PAFAH1B1: variants seen among roughly 807,000 people sequenced by gnomAD.
PAFAH1B1 encodes platelet activating factor acetylhydrolase 1b regulatory subunit 1.
PAFAH1B1 carries 2 observed loss-of-function variants against 57.5 expected under a neutral mutation model. The ratio of observed to expected loss-of-function variants is 0.03; its 90% CI spans 0.01 to 0.11. PAFAH1B1 has a LOEUF of 0.11. PAFAH1B1 is among the 10% of genes least tolerant of loss of function. The probability of loss-of-function intolerance (pLI) is 1.00; values close to 1 mark genes in which losing one functional copy is unlikely to be tolerated. For synonymous variants in PAFAH1B1, 152 were observed against 169.6 expected, an observed-to-expected ratio of 0.90 and a Z score of 0.81; for missense variants, 257 against 512.0, an observed-to-expected ratio of 0.50 and a Z score of 4.81.
Position 2,638,233 on chromosome 17 carries a change from A to G in PAFAH1B1, c.-56A>G, listed in dbSNP as rs373433685. ...AGTCCACGGATCAAAAAGCTTTTTG[A>G]TTTCCCAAAGGAGGGACATACCACT... On this transcript the variant is annotated 5_prime_UTR_variant, in exon 2 of 11. Coordinates refer to ENST00000397195, the MANE Select transcript of PAFAH1B1 (RefSeq NM_000430.4). 2.1e-5 allele frequency: 31 copies of G among 1,504,010 alleles called. No individual in the cohort carries two copies. The Admixed American group carries it at 4.6e-4, about 22-fold the overall frequency. 93.2% of individuals were successfully genotyped at this position (1,504,010 alleles called of 1,614,324 possible). A position where few individuals can be genotyped will look rare whatever the true frequency, so the allele number is the denominator to read the frequency against.
At position 2,651,684 on chromosome 17, in the gene PAFAH1B1, A is replaced by C. The variant is rs1403127318; in HGVS notation, c.32+13364A>C. Among the ~76,000 whole-genome samples, 10 of 151,972 alleles carry C rather than the reference A, an allele frequency of 6.6e-5. 1 individual carries two copies. The highest frequency in any genetic ancestry group is 6.6e-4 in the Admixed American group (10 of 15,244). On this transcript the variant is annotated intron_variant, in intron 2 of 10. Coordinates refer to ENST00000397195, the MANE Select transcript of PAFAH1B1 (RefSeq NM_000430.4). Reference sequence around the variant, plus strand: ...CTTGCTTCTCTTAAATTATTTTCCCAAAAAGCCTTAAGTGTTTTCCGTAGT... The same window carrying C: ...CTTGCTTCTCTTAAATTATTTTCCCCAAAAGCCTTAAGTGTTTTCCGTAGT...
chr17:2,601,431 C>G (rs2068142709), intron 1 of PAFAH1B1, among the ~76,000 whole-genome samples: 1 of 150,644 alleles, frequency 6.6e-6, no homozygotes, highest in Admixed American at 6.6e-5. Flanking sequence ...CCGTGCCCAG[C>G]CACACCTGGC....
At chr17:2,624,027 A>T (rs187613554) in intron 1 of PAFAH1B1, among the ~76,000 whole-genome samples, 1 of 152,270 alleles carries the variant, frequency 6.6e-6, no homozygotes, top group East Asian at 1.9e-4. Flanking sequence ...CTTTTGCCAG[A>T]TACCCTAAAT....
At chr17:2,662,853 G>A (rs1249928742) in intron 2 of PAFAH1B1, among the ~76,000 whole-genome samples, 2 of 152,128 alleles carry the variant, frequency 1.3e-5, no homozygotes, top group South Asian at 2.1e-4. Context: ...GCTAACGCCT[G>A]TAATCCCAAC....
chr17:2,597,114 G>C (rs766876032), intron 1 of PAFAH1B1, among the ~76,000 whole-genome samples: 1 of 152,156 alleles, frequency 6.6e-6, no homozygotes, highest in Non-Finnish European at 1.5e-5. Context: ...GTAGATTGTT[G>C]TTAATCAGGA....
intron 1 of PAFAH1B1, among the ~76,000 whole-genome samples, chr17:2,617,639 C>T (rs556462162): frequency 2.0e-5 from 3 of 152,298 alleles, no homozygotes; most frequent in Admixed American, 6.5e-5. Context: ...TGTTTGAGGC[C>T]AGGCATGGTG....
chr17:2,631,960 T>C (rs1219261904), intron 1 of PAFAH1B1, among the ~76,000 whole-genome samples: 1 of 152,234 alleles, frequency 6.6e-6, no homozygotes, highest in African/African-American at 2.4e-5. Context: ...AATGAACCAT[T>C]ATGTACCCAT....
At chr17:2,623,261 CTTTTTT>C (rs376810275) in intron 1 of PAFAH1B1, among the ~76,000 whole-genome samples, 3 of 103,986 alleles carry the variant, frequency 2.9e-5, no homozygotes, top group Non-Finnish European at 3.7e-5. Flanking sequence ...TTTTTCCTTT[CTTTTTT>C]TTTTTTTTTT....
intron 2 of PAFAH1B1, among the ~76,000 whole-genome samples, chr17:2,662,485 C>A (rs2069031377): frequency 6.7e-6 from 1 of 149,214 alleles, no homozygotes; most frequent in Non-Finnish European, 1.5e-5. Context: ...CTCACCGAAA[C>A]CTTTGCCTCC....
chr17:2,621,739 A>T lies in PAFAH1B1; in HGVS notation c.-190-16360A>T, dbSNP rs367792014. Among the ~76,000 whole-genome samples, 6 of 146,158 alleles carry T rather than the reference A, an allele frequency of 4.1e-5. No homozygotes were observed. The East Asian group carries it at 1.0e-3, about 25-fold the overall frequency. On this transcript the variant is annotated intron_variant, in intron 1 of 10. Transcript: ENST00000397195. ...ATCCCAGGTGTTGCCCTCCCACCTC[A>T]GCCTTCTGAGTAGCTGAGACTACAG...
chr17:2,685,135 T>A lies in PAFAH1B1; in HGVS notation c.*3333T>A, dbSNP rs1014697447. On this transcript the variant is annotated 3_prime_UTR_variant, in exon 11 of 11. Coordinates refer to ENST00000397195, the MANE Select transcript of PAFAH1B1 (RefSeq NM_000430.4). ...GGTAGAGAAGCGACATGTAAAAAAC[T>A]GGTGGAAAAAGGTTTTGGATTTTTT... is the stretch of plus-strand genomic sequence containing the variant. The A allele has an allele frequency of 7.4e-6, 1 of 134,650 alleles. No individual in the cohort carries two copies. Among genetic ancestry groups the A allele is most frequent in the Admixed American group, 8.2e-5 (1 of 12,160 alleles). 8.3% of individuals were successfully genotyped at this position (134,650 alleles called of 1,614,324 possible).
intron 2 of PAFAH1B1, chr17:2,639,342 T>G (rs1172815683): frequency 6.6e-6 from 1 of 152,204 alleles, no homozygotes; most frequent in Non-Finnish European, 1.5e-5. Flanking sequence ...TTCCTTTGCC[T>G]TGTTGTGTTT....
At chr17:2,653,195 T>C (rs2068888848) in intron 2 of PAFAH1B1, among the ~76,000 whole-genome samples, 1 of 152,070 alleles carries the variant, frequency 6.6e-6, no homozygotes, top group Non-Finnish European at 1.5e-5. Flanking sequence ...CCACATGTTC[T>C]CACTCATAGG....
chr17:2,632,452 TTCTA>T (rs1424270048), intron 1 of PAFAH1B1, among the ~76,000 whole-genome samples: 1 of 152,212 alleles, frequency 6.6e-6, no homozygotes, highest in African/African-American at 2.4e-5. Context: ...AGGTTTCCCT[TTCTA>T]TCTCTTTTTT....
At chr17:2,624,376 T>C (rs2151625266) in intron 1 of PAFAH1B1, among the ~76,000 whole-genome samples, 2 of 152,262 alleles carry the variant, frequency 1.3e-5, no homozygotes, top group East Asian at 3.9e-4. Context: ...CTGTTACCAG[T>C]TTACTGTATT....
intron 1 of PAFAH1B1, among the ~76,000 whole-genome samples, chr17:2,608,524 T>A (rs545986053): frequency 6.6e-6 from 1 of 152,322 alleles, no homozygotes; most frequent in South Asian, 2.1e-4. Flanking sequence ...TTACTTGGGC[T>A]GGGTGTGGTG....
chr17:2,658,663 C>G (rs548617175), intron 2 of PAFAH1B1, among the ~76,000 whole-genome samples: 1 of 152,200 alleles, frequency 6.6e-6, no homozygotes, highest in South Asian at 2.1e-4. Context: ...GTCCACTCAC[C>G]CTGCATTGCC....
chr17:2,655,571 A>G (rs576383731), intron 2 of PAFAH1B1, among the ~76,000 whole-genome samples: 329 of 152,280 alleles, frequency 2.2e-3, no homozygotes, highest in Non-Finnish European at 3.1e-3. Context: ...GCTACTCCGG[A>G]GGCAGAGGTT....
chr17:2,644,474 C>T (rs139357927), intron 2 of PAFAH1B1, among the ~76,000 whole-genome samples: 1,611 of 151,874 alleles, frequency 0.011, 25 homozygotes, highest in African/African-American at 0.037. Flanking sequence ...ACTTGGGAGG[C>T]GGAGGTTGCG....
Sources: allele counts gnomAD v4.1 joint callset (sites outside exome capture counted in the v4.1 genomes callset), GRCh38; gene constraint gnomAD v4.1.1; transcripts MANE v1.5; gene names NCBI Gene and HGNC (gene_info 2026-07-23, HGNC 2026-07-21).